The following ARHGAP42 variants were observed in gnomAD, a reference collection of about 807,000 sequenced individuals.
ARHGAP42 encodes the protein rho GTPase-activating protein 42.
In ARHGAP42, 63 loss-of-function variants were observed where a neutral mutation model predicts 125.0. The observed-to-expected ratio is 0.50, with a 90% confidence interval of 0.41 to 0.62. The LOEUF (loss-of-function observed/expected upper bound fraction) is 0.62, where lower values mean the gene tolerates loss of function less well. ARHGAP42 is among the 20% of genes least tolerant of loss of function. ARHGAP42 has a pLI of 0.00. For missense variants in ARHGAP42, 766 were observed against 1,024.2 expected (o/e 0.75, Z 3.44); for synonymous variants, 339 against 351.0 (o/e 0.97, Z 0.38).
chr11:100,783,219 T>C (rs544612541), intron 2 of ARHGAP42, among the ~76,000 whole-genome samples: 1 of 152,294 alleles, frequency 6.6e-6, no homozygotes, highest in Admixed American at 6.5e-5. Context: ...GTGGATTGCT[T>C]GAGCCCAGGA....
chr11:100,911,406 A>G (rs1866913394), intron 4 of ARHGAP42, among the ~76,000 whole-genome samples: 1 of 152,198 alleles, frequency 6.6e-6, no homozygotes, highest in African/African-American at 2.4e-5. Context: ...CTATATGAGC[A>G]TTCAAAAAGG....
rs148659563 is a variant in ARHGAP42 at position 100,731,918 on chromosome 11, C to A, written c.155-38425C>A. 4.3e-3 allele frequency among the ~76,000 whole-genome samples: 653 copies of A among 152,018 alleles called. 4 individuals are homozygous for A. Among genetic ancestry groups the A allele is most frequent in the African/African-American group, 0.015 (620 of 41,492 alleles). Reference sequence around the variant, plus strand: ...ATGTTTTTCTACATAGCACTTATCACTCTCTAACACATTCTATATTTAACT... The same window carrying A: ...ATGTTTTTCTACATAGCACTTATCAATCTCTAACACATTCTATATTTAACT... On this transcript the variant is annotated intron_variant, in intron 1 of 23. Coordinates refer to ENST00000298815, the MANE Select transcript of ARHGAP42 (RefSeq NM_152432.4).
At chr11:100,865,789 T>C (rs1865554769) in intron 4 of ARHGAP42, among the ~76,000 whole-genome samples, 1 of 152,202 alleles carries the variant, frequency 6.6e-6, no homozygotes, top group Admixed American at 6.5e-5. Context: ...CTAACAATTA[T>C]CTGAGCCTTT....
In ARHGAP42 at chr11:100,903,710, ATATATATATATATATAT is replaced by A. The variant is rs1205147838; in HGVS notation, c.385-9741_385-9725del. On this transcript the variant is annotated intron_variant, in intron 4 of 23. Transcript: ENST00000298815. ...TGTATATATATACATGTCCCTCAAA[ATATATATATATATATAT>A]ATATATATATATATATATATATATA... Among the ~76,000 whole-genome samples, 75 of 56,412 alleles carry A rather than the reference ATATATATATATATATAT, an allele frequency of 1.3e-3. 2 individuals are homozygous for A. The highest frequency in any genetic ancestry group is 7.1e-3 in the Middle Eastern group (1 of 140). The allele number at this position is 56,412 out of a possible 152,430, so 37.0% of individuals were successfully genotyped here.
chr11:100,921,882 C>T (rs1307712472), intron 6 of ARHGAP42, among the ~76,000 whole-genome samples: 1 of 151,302 alleles, frequency 6.6e-6, no homozygotes, highest in Non-Finnish European at 1.5e-5. Flanking sequence ...ACTATGGATT[C>T]AGTTAATATT....
chr11:100,785,242 A>G (rs1863405074), intron 2 of ARHGAP42, among the ~76,000 whole-genome samples: 1 of 152,144 alleles, frequency 6.6e-6, no homozygotes, highest in South Asian at 2.1e-4. Flanking sequence ...AGACAAGTTG[A>G]AGAGAATGAA....
intron 7 of ARHGAP42, among the ~76,000 whole-genome samples, chr11:100,934,326 G>A (rs1033550485): frequency 1.4e-4 from 21 of 152,016 alleles, no homozygotes; most frequent in Non-Finnish European, 2.5e-4. Context: ...ATGTGTGTGA[G>A]ACATGCCACC....
intron 1 of ARHGAP42, among the ~76,000 whole-genome samples, chr11:100,704,814 C>CA (rs201584625): frequency 0.07 from 10,481 of 149,864 alleles, 509 homozygotes; most frequent in Non-Finnish European, 0.097. Flanking sequence ...CTTGTCTCTA[C>CA]AAAAATAAAA....
rs574077082 is a variant in ARHGAP42 at position 100,787,525 on chromosome 11, G to A, written c.251-7580G>A. Among the ~76,000 whole-genome samples, 3 of 152,302 alleles carry A rather than the reference G, an allele frequency of 2.0e-5. No homozygotes were observed. The South Asian group carries it at 6.2e-4, about 32-fold the overall frequency. ...GCTGGTGAGGATAAGAGAAATGAGAGTATTCAGTGAGACCAGAAGAGAGCG... is the reference window on the plus strand; with the variant it reads ...GCTGGTGAGGATAAGAGAAATGAGAATATTCAGTGAGACCAGAAGAGAGCG... On this transcript the variant is annotated intron_variant, in intron 2 of 23. Coordinates refer to ENST00000298815, the MANE Select transcript of ARHGAP42 (RefSeq NM_152432.4).
At chr11:100,723,078 A>G (rs2120275349) in intron 1 of ARHGAP42, among the ~76,000 whole-genome samples, 2 of 152,056 alleles carry the variant, frequency 1.3e-5, no homozygotes, top group South Asian at 4.1e-4. Context: ...ATTATATTTT[A>G]TTTGCTCCTT....
At chr11:100,903,117 G>GCACACACACACACACACACACACA (rs1555021069) in intron 4 of ARHGAP42, among the ~76,000 whole-genome samples, 34 of 132,034 alleles carry the variant, frequency 2.6e-4, no homozygotes, top group South Asian at 5.4e-4. Context: ...TCCAAGATGC[G>GCACACACACACACACACACACACA]CACACACACA....
Position 100,949,895 on chromosome 11 carries a change from A to G in ARHGAP42, c.1123-22A>G, listed in dbSNP as rs376212401. The G allele has an allele frequency of 7.5e-5, 107 of 1,435,578 alleles. No homozygotes were observed. The African/African-American group carries it at 1.2e-3, about 16-fold the overall frequency. 88.9% of individuals were successfully genotyped at this position (1,435,578 alleles called of 1,614,324 possible). On this transcript the variant is annotated intron_variant, in intron 11 of 23. Coordinates refer to ENST00000298815, the MANE Select transcript of ARHGAP42 (RefSeq NM_152432.4). The stretch of plus-strand genomic sequence containing the variant: ...CTGGGTCATTAACTGGAAGTAACTA[A>G]TGGACATCCTTTGTTTTTTAGATTT...
chr11:100,832,903 G>C (rs1414549307), intron 3 of ARHGAP42, among the ~76,000 whole-genome samples: 1 of 152,188 alleles, frequency 6.6e-6, no homozygotes, highest in Non-Finnish European at 1.5e-5. Context: ...GAAGGATTTT[G>C]AATGGGTATG....
At position 100,988,709 on chromosome 11, in the gene ARHGAP42, C is replaced by A. The variant is rs1342194635; in HGVS notation, c.2537-4C>A. 1.3e-6 allele frequency: 2 copies of A among 1,545,646 alleles called. No individual in the cohort carries two copies. Among genetic ancestry groups the A allele is most frequent in the African/African-American group, 2.7e-5 (2 of 73,016 alleles). On this transcript the variant is annotated splice_region_variant and splice_polypyrimidine_tract_variant and intron_variant, in intron 23 of 23. Coordinates refer to ENST00000298815, the MANE Select transcript of ARHGAP42 (RefSeq NM_152432.4). ...GAGTGCTATTTATTTATTTATTTTG[C>A]CAGTGTACCCATCAGTGGAACCAGG...
chr11:100,771,524 G>A (rs7110872), intron 2 of ARHGAP42, among the ~76,000 whole-genome samples: 39,277 of 151,990 alleles, frequency 0.26, 5,309 homozygotes, highest in Non-Finnish European at 0.29. Context: ...ACTTCTGGGT[G>A]TAAAAATACA....
intron 4 of ARHGAP42, among the ~76,000 whole-genome samples, chr11:100,893,211 G>T (rs1866265987): frequency 6.8e-6 from 1 of 147,696 alleles, no homozygotes; most frequent in Non-Finnish European, 1.5e-5. Context: ...TTGAATTTGG[G>T]CTTTTTTGAG....
chr11:100,760,467 G>A (rs1181753785), intron 1 of ARHGAP42, among the ~76,000 whole-genome samples: 1 of 152,184 alleles, frequency 6.6e-6, no homozygotes, highest in Non-Finnish European at 1.5e-5. Context: ...GGGAGGCCAA[G>A]GTGGGAGGAT....
At chr11:100,917,262 A>T (rs1317034112) in intron 5 of ARHGAP42, among the ~76,000 whole-genome samples, 1 of 152,126 alleles carries the variant, frequency 6.6e-6, no homozygotes, top group Non-Finnish European at 1.5e-5. Context: ...GTTCCTCTTG[A>T]GGCACTTCCT....
intron 2 of ARHGAP42, among the ~76,000 whole-genome samples, chr11:100,794,075 CAAAAAAAAAAAAA>C (rs869272420): frequency 2.7e-4 from 12 of 44,844 alleles, no homozygotes; most frequent in Admixed American, 6.7e-4. Context: ...GACCCTGTCT[CAAAAAAAAAAAAA>C]AAAAAAAAAA....
Sources: allele counts gnomAD v4.1 joint callset (sites outside exome capture counted in the v4.1 genomes callset), GRCh38; gene constraint gnomAD v4.1.1; transcripts MANE v1.5; gene names NCBI Gene and HGNC (gene_info 2026-07-23, HGNC 2026-07-21).